STXBP5: variants seen among roughly 807,000 people sequenced by gnomAD.
STXBP5 encodes the protein syntaxin binding protein 5, also known as syntaxin-binding protein 5.
STXBP5 carries 50 observed loss-of-function variants against 152.4 expected under a neutral mutation model. The ratio of observed to expected loss-of-function variants is 0.33; its 90% CI spans 0.26 to 0.42. The LOEUF is 0.42. STXBP5 is among the 10% of genes least tolerant of loss of function. The pLI is 1.00. For synonymous variants in STXBP5, 492 were observed against 494.7 expected (o/e 0.99, Z 0.07); for missense variants, 1,167 against 1,388.6 (o/e 0.84, Z 2.54).
chr6:147,295,293 A>G (rs1032247417), intron 9 of STXBP5, among the ~76,000 whole-genome samples: 1 of 152,328 alleles, frequency 6.6e-6, no homozygotes, highest in South Asian at 2.1e-4. Flanking sequence ...TTTGAGCTAC[A>G]GAGCATTAGA....
intron 7 of STXBP5, among the ~76,000 whole-genome samples, chr6:147,276,618 A>G (rs1780454614): frequency 6.6e-6 from 1 of 152,168 alleles, no homozygotes. Flanking sequence ...GAATTTTTTA[A>G]AAAACATTTA....
chr6:147,368,012 A>G (rs1395911164), intron 25 of STXBP5, among the ~76,000 whole-genome samples: 1 of 152,166 alleles, frequency 6.6e-6, no homozygotes, highest in East Asian at 1.9e-4. Flanking sequence ...AGAAATTGAA[A>G]TAGAGGTTAG....
In STXBP5 at chr6:147,390,084, G is replaced by C. The variant is rs1312586777; in HGVS notation, c.*5329G>C. 6.6e-6 allele frequency: 1 copy of C among 151,892 alleles called. No individual in the cohort carries two copies. The highest frequency in any genetic ancestry group is 2.4e-5 in the African/African-American group (1 of 41,406). The allele number at this position is 151,892 out of a possible 1,614,324, so 9.4% of individuals were successfully genotyped here. On this transcript the variant is annotated 3_prime_UTR_variant, in exon 28 of 28. Transcript: ENST00000321680. ...AACTGTAACTTGCAGGTGTTTTTCA[G>C]TTGCTGCACTTTTTATTTAATCTTG...
At chr6:147,224,105 A>G (rs771531180) in intron 2 of STXBP5, among the ~76,000 whole-genome samples, 10 of 152,236 alleles carry the variant, frequency 6.6e-5, no homozygotes, top group Non-Finnish European at 1.0e-4. Flanking sequence ...TTGAAGTCTA[A>G]TTATGGTTGA....
At chr6:147,239,359 C>A in intron 4 of STXBP5, 89 bp downstream of exon 4, 1 of 1,076,526 alleles carries the variant, frequency 9.3e-7, no homozygotes, top group Non-Finnish European at 1.4e-6. Flanking sequence ...GTGTGATGGA[C>A]CTTATGCACA....
At chr6:147,354,960 C>T (rs1490309659) in intron 22 of STXBP5, among the ~76,000 whole-genome samples, 1 of 152,122 alleles carries the variant, frequency 6.6e-6, no homozygotes, top group Non-Finnish European at 1.5e-5. Context: ...GGGAATAACT[C>T]CAACTATATT....
chr6:147,312,424 A>G (rs1173612662), intron 11 of STXBP5, among the ~76,000 whole-genome samples: 1 of 152,158 alleles, frequency 6.6e-6, no homozygotes. Flanking sequence ...CTCATTCAGT[A>G]TTGCAGTGTT....
At chr6:147,328,246 G>A (rs1310959288) in intron 18 of STXBP5, among the ~76,000 whole-genome samples, 1 of 152,112 alleles carries the variant, frequency 6.6e-6, no homozygotes, top group Non-Finnish European at 1.5e-5. Context: ...GAGACTTCCA[G>A]TTGTAACTGG....
intron 16 of STXBP5, among the ~76,000 whole-genome samples, chr6:147,318,024 T>A (rs1782727564): frequency 6.6e-6 from 1 of 152,230 alleles, no homozygotes; most frequent in African/African-American, 2.4e-5. Context: ...AACAATTCCA[T>A]ATAAACATAC....
At chr6:147,266,931 T>G (rs1312428218) in intron 6 of STXBP5, among the ~76,000 whole-genome samples, 153 bp from the exon 7 acceptor site, 1 of 152,184 alleles carries the variant, frequency 6.6e-6, no homozygotes, top group African/African-American at 2.4e-5. Flanking sequence ...ATTTGTCATT[T>G]ACGTGATTAC....
chr6:147,310,751 C>T (rs1014048565), intron 10 of STXBP5, among the ~76,000 whole-genome samples: 2 of 152,206 alleles, frequency 1.3e-5, no homozygotes, highest in African/African-American at 4.8e-5. Context: ...TTCAGGAAAC[C>T]TCAGTTTGTG....
chr6:147,224,697 G>A lies in STXBP5; in HGVS notation c.249-10553G>A, dbSNP rs566829757. Among the ~76,000 whole-genome samples, 3 of 152,002 alleles carry A rather than the reference G, an allele frequency of 2.0e-5. No homozygotes were observed. The East Asian group carries it at 5.8e-4, about 29-fold the overall frequency. ...TCATGTACTGCTGCTTTTATTTATT[G>A]ACTTTCATTTATCCCCCATAACAGT... On this transcript the variant is annotated intron_variant, in intron 2 of 27. Transcript: ENST00000321680.
chr6:147,327,185 G>C lies in STXBP5; in HGVS notation c.1989G>C (p.Leu663=), dbSNP rs780196930. ...TTGACTACCTCCAGAAAGCAGTGCT[G>C]CTCAACCTGGGCACTATTGAATTAT... ...AMVDYLQKAV[L]LNLGTIELYG... is the part of the protein sequence containing the mutation. Residue 663 remains leucine (L), a synonymous_variant, in exon 18 of 28, where the codon CTG becomes CTC. Transcript: ENST00000321680. 6.2e-7 allele frequency: 1 copy of C among 1,613,938 alleles called. No homozygotes were observed. Among genetic ancestry groups the C allele is most frequent in the East Asian group, 2.2e-5 (1 of 44,874 alleles).
rs144911985 is a variant in STXBP5, at chr6:147,379,711, A to G, written c.3194-3067A>G. Among the ~76,000 whole-genome samples the G allele has an allele frequency of 1.5e-3, 222 of 152,246 alleles. 1 individual carries two copies. Among genetic ancestry groups the G allele is most frequent in the African/African-American group, 5.1e-3 (211 of 41,564 alleles). On this transcript the variant is annotated intron_variant, in intron 26 of 27. Transcript: ENST00000321680. ...GAATGGAAGAAGTAAAACTGTCTCT[A>G]TTTGCAGATGTAATCTTATCTATAG... is the stretch of plus-strand genomic sequence containing the variant.
intron 8 of STXBP5, among the ~76,000 whole-genome samples, chr6:147,278,653 C>T (rs1212605134): frequency 6.6e-6 from 1 of 152,004 alleles, no homozygotes; most frequent in Non-Finnish European, 1.5e-5. Context: ...CAGAATCACC[C>T]TAGATTTAAT....
At chr6:147,236,860 C>CCT (rs1778301232) in intron 3 of STXBP5, among the ~76,000 whole-genome samples, 1 of 150,924 alleles carries the variant, frequency 6.6e-6, no homozygotes, top group Admixed American at 6.6e-5. Flanking sequence ...CTCACTGCAA[C>CCT]CTCCGCCTCC....
chr6:147,270,596 C>T (rs2128337106), intron 7 of STXBP5, among the ~76,000 whole-genome samples: 1 of 151,940 alleles, frequency 6.6e-6, no homozygotes, highest in African/African-American at 2.4e-5. Flanking sequence ...GAATTAATCA[C>T]TTGCAGACCT....
At chr6:147,289,173 T>C (rs1173014326) in intron 8 of STXBP5, among the ~76,000 whole-genome samples, 2 of 152,238 alleles carry the variant, frequency 1.3e-5, no homozygotes, top group Non-Finnish European at 2.9e-5. Context: ...AATATCACTT[T>C]TAGTGAGGCA....
intron 21 of STXBP5, among the ~76,000 whole-genome samples, chr6:147,340,502 G>A (rs1465441672): frequency 6.6e-6 from 1 of 151,786 alleles, no homozygotes; most frequent in East Asian, 1.9e-4. Flanking sequence ...TAGCACTATG[G>A]CACAATAGTC....
Sources: allele counts gnomAD v4.1 joint callset (sites outside exome capture counted in the v4.1 genomes callset), GRCh38; gene constraint gnomAD v4.1.1; transcripts MANE v1.5; gene names NCBI Gene and HGNC (gene_info 2026-07-23, HGNC 2026-07-21).